Variants in GPC5 observed in about 807,000 individuals in gnomAD.
GPC5 encodes glypican 5.
In GPC5, 47 loss-of-function variants were observed where a neutral mutation model predicts 53.9. That is an observed-to-expected ratio of 0.87 (90% CI 0.69 to 1.11). GPC5 has a LOEUF of 1.11. GPC5 is among the 50% of genes most tolerant of loss of function. The pLI, the probability that GPC5 is intolerant of heterozygous loss-of-function variation, is 0.00. For missense variants in GPC5, 748 were observed against 713.1 expected, an observed-to-expected ratio of 1.05 and a Z score of -0.56; for synonymous variants, 286 against 263.3, an observed-to-expected ratio of 1.09 and a Z score of -0.84.
At chr13:92,692,631 GTAAC>G (rs1246001174) in intron 7 of GPC5, among the ~76,000 whole-genome samples, 7 of 151,244 alleles carry the variant, frequency 4.6e-5, no homozygotes, top group Admixed American at 2.6e-4. Context: ...GTATACATGT[GTAAC>G]TAACCTGCAC....
At chr13:92,644,809 A>C (rs1200896809) in intron 7 of GPC5, among the ~76,000 whole-genome samples, 2 of 152,098 alleles carry the variant, frequency 1.3e-5, no homozygotes, top group African/African-American at 4.8e-5. Flanking sequence ...ATGGTGGAGA[A>C]TTATAAAAAT....
chr13:91,613,840 A>G (rs184968110), intron 2 of GPC5, among the ~76,000 whole-genome samples: 62 of 152,316 alleles, frequency 4.1e-4, no homozygotes, highest in Admixed American at 3.5e-3. Flanking sequence ...AGTGGCTGAG[A>G]TCACCAAGAG....
chr13:92,381,921 C>CAT (rs1296029777), intron 7 of GPC5, among the ~76,000 whole-genome samples: 1 of 124,864 alleles, frequency 8.0e-6, no homozygotes, highest in Non-Finnish European at 1.7e-5. Context: ...TATATATAAT[C>CAT]ATATATATGA....
At chr13:91,918,537 A>T (rs2039681357) in intron 6 of GPC5, among the ~76,000 whole-genome samples, 1 of 152,150 alleles carries the variant, frequency 6.6e-6, no homozygotes, top group African/African-American at 2.4e-5. Context: ...AATGTCTGCA[A>T]GTTTATCAGT....
intron 6 of GPC5, among the ~76,000 whole-genome samples, chr13:91,937,544 A>G (rs1403416080): frequency 6.6e-6 from 1 of 152,074 alleles, no homozygotes; most frequent in African/African-American, 2.4e-5. Flanking sequence ...ATTGACTTAT[A>G]TGGCTACAGA....
chr13:92,218,013 T>C (rs1204556635), intron 7 of GPC5, among the ~76,000 whole-genome samples: 1 of 150,424 alleles, frequency 6.6e-6, no homozygotes, highest in East Asian at 2.0e-4. Context: ...GAGCTCTAAT[T>C]CTTGGGCTCC....
At chr13:91,511,196 G>A (rs1166009197) in intron 2 of GPC5, among the ~76,000 whole-genome samples, 1 of 152,070 alleles carries the variant, frequency 6.6e-6, no homozygotes, top group Admixed American at 6.6e-5. Context: ...CTTTAAAGAT[G>A]CCTTTCTATT....
chr13:91,686,852 C>A (rs2035633495), intron 2 of GPC5, among the ~76,000 whole-genome samples: 1 of 151,916 alleles, frequency 6.6e-6, no homozygotes, highest in Admixed American at 6.6e-5. Flanking sequence ...TTATCCATTG[C>A]AATAACATAA....
chr13:92,048,052 T>C (rs2040997565), intron 6 of GPC5, among the ~76,000 whole-genome samples: 1 of 151,860 alleles, frequency 6.6e-6, no homozygotes, highest in African/African-American at 2.4e-5. Flanking sequence ...ACTTATATTC[T>C]AGAAACACAG....
At chr13:91,943,468 T>C (rs2039946826) in intron 6 of GPC5, among the ~76,000 whole-genome samples, 1 of 152,172 alleles carries the variant, frequency 6.6e-6, no homozygotes, top group South Asian at 2.1e-4. Context: ...GTGTACTGTA[T>C]GTGCTTTGTA....
chr13:92,733,487 C>A (rs1478666362), intron 7 of GPC5, among the ~76,000 whole-genome samples: 1 of 151,674 alleles, frequency 6.6e-6, no homozygotes, highest in Admixed American at 6.6e-5. Flanking sequence ...TGTTAAATTG[C>A]GTGGGTTAGA....
intron 6 of GPC5, among the ~76,000 whole-genome samples, chr13:92,091,728 G>A (rs1421498562): frequency 7.1e-6 from 1 of 140,546 alleles, no homozygotes; most frequent in Non-Finnish European, 1.5e-5. Flanking sequence ...AGTTCCCAAT[G>A]CACAAATCAA....
chr13:92,750,645 G>A (rs1288249135), intron 7 of GPC5, among the ~76,000 whole-genome samples: 4 of 152,058 alleles, frequency 2.6e-5, no homozygotes, highest in African/African-American at 4.8e-5. Context: ...CCTACTCCTG[G>A]TAGTTACACT....
At chr13:92,576,899 C>T (rs1161537376) in intron 7 of GPC5, among the ~76,000 whole-genome samples, 1 of 152,120 alleles carries the variant, frequency 6.6e-6, no homozygotes, top group African/African-American at 2.4e-5. Context: ...TTTCCTATTG[C>T]AATTACAAAT....
chr13:92,291,231 G>C (rs2042992929), intron 7 of GPC5, among the ~76,000 whole-genome samples: 1 of 152,174 alleles, frequency 6.6e-6, no homozygotes, highest in Non-Finnish European at 1.5e-5. Context: ...AGGAGTGCGG[G>C]CGCATGGCAC....
In GPC5 at chr13:92,752,809, T is replaced by A. The variant is rs555367826; in HGVS notation, c.1562-113473T>A. Among the ~76,000 whole-genome samples, 3 of 152,202 alleles carry A rather than the reference T, an allele frequency of 2.0e-5. No homozygotes were observed. In the South Asian group the frequency reaches 6.2e-4, roughly 32 times the overall value. ...GCTTAAAAAACAGCGCACCACGAGA[T>A]TATATCCTGCACCTGGCTCGGAGGG... On this transcript the variant is annotated intron_variant, in intron 7 of 7. Transcript: ENST00000377067.
Position 92,567,359 on chromosome 13 carries a change from T to G in GPC5, c.1562-298923T>G, listed in dbSNP as rs185972009. Among the ~76,000 whole-genome samples the G allele has an allele frequency of 2.6e-5, 4 of 152,222 alleles. No homozygotes were observed. The East Asian group carries it at 7.8e-4, about 30-fold the overall frequency. ...GTAATGACCCAGTTCGACACAAAAT[T>G]TCACAGGCTGATAATATGATTGCTG... is the stretch of plus-strand genomic sequence containing the variant. On this transcript the variant is annotated intron_variant, in intron 7 of 7. Coordinates refer to ENST00000377067, the MANE Select transcript of GPC5 (RefSeq NM_004466.6).
intron 6 of GPC5, among the ~76,000 whole-genome samples, chr13:92,135,639 C>T (rs553579309): frequency 2.6e-5 from 4 of 152,110 alleles, no homozygotes; most frequent in African/African-American, 9.7e-5. Flanking sequence ...GAGTGATAAG[C>T]CTTTTCTAAC....
intron 6 of GPC5, among the ~76,000 whole-genome samples, chr13:91,928,402 G>A (rs900371257): frequency 2.0e-5 from 3 of 152,174 alleles, no homozygotes; most frequent in African/African-American, 7.2e-5. Context: ...AGTAAAGAGA[G>A]AATGTTGTGA....
Sources: gnomAD v4.1 joint callset for allele counts (sites outside exome capture counted in the v4.1 genomes callset) on GRCh38, gnomAD v4.1.1 for gene constraint, MANE v1.5 for transcripts, NCBI Gene and HGNC (gene_info 2026-07-23, HGNC 2026-07-21) for gene names.